TMEM181: variants seen among roughly 807,000 people sequenced by gnomAD.
TMEM181 encodes the protein G protein-coupled receptor 178.
Under a neutral mutation model 71.9 loss-of-function variants are expected in TMEM181, and 39 were observed. The ratio of observed to expected loss-of-function variants is 0.54; its 90% CI spans 0.42 to 0.71. The LOEUF (loss-of-function observed/expected upper bound fraction) is 0.71. TMEM181 is among the 30% of genes least tolerant of loss of function. TMEM181 has a pLI of 0.00. For missense variants in TMEM181, 595 were observed against 583.0 expected (o/e 1.02, Z -0.21); for synonymous variants, 245 against 228.8 (o/e 1.07, Z -0.64).
chr6:158,625,614 C>A, intron 12 of TMEM181, 89 bp from the exon 13 acceptor site: 1 of 1,214,076 alleles, frequency 8.2e-7, no homozygotes, highest in Non-Finnish European at 1.2e-6. Context: ...GTCCAAAGAG[C>A]TTTGCTTAAT....
chr6:158,602,916 T>A (rs1162594847), intron 6 of TMEM181, among the ~76,000 whole-genome samples: 3 of 152,174 alleles, frequency 2.0e-5, no homozygotes, highest in Non-Finnish European at 4.4e-5. Flanking sequence ...GGTCACTGTC[T>A]TCCGGCTTGC....
intron 6 of TMEM181, among the ~76,000 whole-genome samples, chr6:158,603,041 C>T (rs984277357): frequency 6.6e-5 from 10 of 152,168 alleles, no homozygotes; most frequent in African/African-American, 2.4e-4. Flanking sequence ...CACGGTGCTT[C>T]TTGTACTTTT....
chr6:158,537,508 C>T (rs1174980187), intron 1 of TMEM181, among the ~76,000 whole-genome samples: 1 of 152,140 alleles, frequency 6.6e-6, no homozygotes, highest in African/African-American at 2.4e-5. Context: ...GCGGTGGGGA[C>T]TGCAGACCCT....
chr6:158,614,994 TA>T (rs1486618741), intron 10 of TMEM181, among the ~76,000 whole-genome samples: 1 of 152,210 alleles, frequency 6.6e-6, no homozygotes, highest in Non-Finnish European at 1.5e-5. Context: ...ATCCTTTGGG[TA>T]TATATCCAGT....
Position 158,583,988 on chromosome 6 carries a change from C to A in TMEM181, c.203C>A (p.Ser68Tyr). Residue 68 changes from serine (S) to tyrosine (Y), a missense_variant, in exon 4 of 17, where the codon TCT (serine) becomes TAT (tyrosine). Transcript: ENST00000684151. ...ATTCAAATACTTTCAAATCCACTGT[C>A]TACATACAATCAGCAACTATGGCTG... ...KPIQILSNPL[S>Y]TYNQQLWLTC... 1 of 1,611,660 alleles carries A rather than the reference C, an allele frequency of 6.2e-7. No homozygotes were observed. The highest frequency in any genetic ancestry group is 8.5e-7 in the Non-Finnish European group (1 of 1,178,798).
intron 6 of TMEM181, 116 bp from the exon 7 acceptor site, chr6:158,605,151 T>G (rs1784882444): frequency 2.4e-5 from 14 of 593,128 alleles, no homozygotes; most frequent in Middle Eastern, 5.0e-4. Flanking sequence ...TGTGTGTGTG[T>G]GTGTGTGTAT....
At chr6:158,567,133 A>G (rs1437002594) in intron 1 of TMEM181, among the ~76,000 whole-genome samples, 1 of 152,168 alleles carries the variant, frequency 6.6e-6, no homozygotes, top group Non-Finnish European at 1.5e-5. Flanking sequence ...TTGCGAGTGT[A>G]TTAGATGCCT....
At chr6:158,599,205 G>T (rs1469767781) in intron 6 of TMEM181, among the ~76,000 whole-genome samples, 1 of 152,214 alleles carries the variant, frequency 6.6e-6, no homozygotes, top group Admixed American at 6.5e-5. Context: ...ATTTCGTGCT[G>T]CATGGGAATT....
chr6:158,593,850 T>C (rs1784244719), intron 6 of TMEM181, among the ~76,000 whole-genome samples: 1 of 152,108 alleles, frequency 6.6e-6, no homozygotes, highest in African/African-American at 2.4e-5. Context: ...GCCTCCCCCA[T>C]TGTCAGCATC....
Position 158,631,857 on chromosome 6 carries a change from C to G in TMEM181, c.1397C>G (p.Ala466Gly), listed in dbSNP as rs777790404. 2 of 1,598,498 alleles carry G rather than the reference C, an allele frequency of 1.3e-6. No individual in the cohort carries two copies. Among genetic ancestry groups the G allele is most frequent in the South Asian group, 2.3e-5 (2 of 88,210 alleles). Residue 466 changes from alanine (A) to glycine (G), a missense_variant, in exon 17 of 17, where the codon GCC (alanine) becomes GGC (glycine). Physicochemically the swap from Ala to Gly is moderately conservative, Grantham distance 60. Coordinates refer to ENST00000684151, the MANE Select transcript of TMEM181 (RefSeq NM_001376852.1). Reference sequence around the variant, plus strand: ...CTGCAGAACGGCCAGGCCATCCGGGCCAAGTACAAGGAGGAGTCAGATAGT... The same window carrying G: ...CTGCAGAACGGCCAGGCCATCCGGGGCAAGTACAAGGAGGAGTCAGATAGT... ...MPLQNGQAIRAKYKEESDSD is the reference protein window; with the variant it reads ...MPLQNGQAIRGKYKEESDSD
At chr6:158,541,827 CA>C (rs1781360172) in intron 1 of TMEM181, among the ~76,000 whole-genome samples, 7 of 107,248 alleles carry the variant, frequency 6.5e-5, no homozygotes, top group Non-Finnish European at 1.0e-4. Flanking sequence ...TATTGACTGA[CA>C]ACTCTGTCTT....
At position 158,625,202 on chromosome 6, in the gene TMEM181, T is replaced by C. The variant is rs764093282; in HGVS notation, c.1053T>C (p.Tyr351=). 26 of 1,613,916 alleles carry C rather than the reference T, an allele frequency of 1.6e-5. No individual in the cohort carries two copies. The South Asian group carries it at 2.4e-4, about 15-fold the overall frequency. The change falls in exon 12 of 17, where the codon TAT becomes TAC. Residue 351 remains tyrosine, a synonymous_variant. Coordinates refer to ENST00000684151, the MANE Select transcript of TMEM181 (RefSeq NM_001376852.1). ...RACSELRHMP[Y]VDLRLKFLTA... ...GTTCCGAGCTACGTCACATGCCTTA[T>C]GTGGGTAAGTGCTCCTTTCAGAATC...
chr6:158,629,042 C>T (rs750620733), intron 14 of TMEM181, among the ~76,000 whole-genome samples: 2 of 152,182 alleles, frequency 1.3e-5, no homozygotes, highest in Admixed American at 6.5e-5. Context: ...GGACCCCCTT[C>T]GATTCCCGCT....
chr6:158,614,489 AT>A (rs564344108), intron 10 of TMEM181, among the ~76,000 whole-genome samples: 3 of 151,864 alleles, frequency 2.0e-5, no homozygotes, highest in African/African-American at 2.4e-5. Context: ...TTTAAAAAAA[AT>A]TTTTTTTTAA....
chr6:158,605,129 AAAGTGTGTGT>A (rs1223335313), intron 6 of TMEM181, 128 bp from the exon 7 acceptor site: 5,420 of 392,918 alleles, frequency 0.014, 17 homozygotes, highest in Middle Eastern at 0.031. Context: ...AAAAAAAAAA[AAAGTGTGTGT>A]GTGTGTGTGT....
In TMEM181 at chr6:158,585,422, A is replaced by C. The variant is rs1322618534; in HGVS notation, c.378A>C (p.Ala126=). The change falls in exon 5 of 17, where the codon GCA becomes GCC. Residue 126 remains alanine (A), a synonymous_variant. Coordinates refer to ENST00000684151, the MANE Select transcript of TMEM181 (RefSeq NM_001376852.1). ...VHNRTRTLTC[A]GKCAEIIVAH... Reference sequence around the variant, plus strand: ...ACCGGACAAGGACCCTCACATGTGCAGGGGTGAGTGTGTGGGGTGAGCCCC... The same window carrying C: ...ACCGGACAAGGACCCTCACATGTGCCGGGGTGAGTGTGTGGGGTGAGCCCC... 6.3e-7 allele frequency: 1 copy of C among 1,599,354 alleles called. No individual in the cohort carries two copies. Among genetic ancestry groups the C allele is most frequent in the African/African-American group, 1.3e-5 (1 of 74,376 alleles).
chr6:158,605,045 C>T (rs779809115), intron 6 of TMEM181, among the ~76,000 whole-genome samples: 1 of 145,060 alleles, frequency 6.9e-6, no homozygotes, highest in Admixed American at 7.1e-5. Context: ...ACCTGGGAGG[C>T]GGAGGTTGCA....
intron 5 of TMEM181, among the ~76,000 whole-genome samples, chr6:158,588,405 C>T (rs567733543): frequency 2.0e-5 from 3 of 152,328 alleles, no homozygotes; most frequent in Middle Eastern, 3.4e-3. Context: ...AACCCCACTC[C>T]TTGTCCGCCT....
chr6:158,573,852 A>G (rs1783016302), intron 2 of TMEM181, among the ~76,000 whole-genome samples: 1 of 152,022 alleles, frequency 6.6e-6, no homozygotes. Context: ...TGTGTCCAGA[A>G]CATGCTGCCT....
Sources: allele counts gnomAD v4.1 joint callset (sites outside exome capture counted in the v4.1 genomes callset), GRCh38; gene constraint gnomAD v4.1.1; transcripts MANE v1.5; gene names NCBI Gene and HGNC (gene_info 2026-07-23, HGNC 2026-07-21).